CSMD1: variants seen among roughly 807,000 people sequenced by gnomAD.
The protein encoded by CSMD1 is CUB and Sushi multiple domains 1.
A neutral mutation model predicts 417.5 loss-of-function variants in CSMD1; 213 were observed. The observed-to-expected ratio is 0.51, with a 90% CI of 0.46 to 0.57. The LOEUF is 0.57. Among genes scored for constraint, CSMD1 ranks in the 20% least tolerant of loss-of-function variants. The pLI is 0.00. For missense variants in CSMD1, 6,923 were observed against 4,529.7 expected (o/e 1.53, Z -15.17); for synonymous variants, 2,862 against 1,736.8 (o/e 1.65, Z -16.11).
chr8:4,696,978 C>A (rs1319491787), intron 1 of CSMD1, among the ~76,000 whole-genome samples: 2 of 152,052 alleles, frequency 1.3e-5, no homozygotes, highest in Admixed American at 6.5e-5. Flanking sequence ...TCAAGACCAG[C>A]CTGACGAACA....
At chr8:4,920,932 G>A (rs867869880) in intron 1 of CSMD1, among the ~76,000 whole-genome samples, 15 of 27,090 alleles carry the variant, frequency 5.5e-4, no homozygotes, top group African/African-American at 1.5e-3. Context: ...AAAAGAAAGA[G>A]AGAAAGAAAG....
intron 2 of CSMD1, among the ~76,000 whole-genome samples, chr8:4,461,100 C>G (rs913794022): frequency 2.0e-5 from 3 of 150,570 alleles, no homozygotes; most frequent in African/African-American, 5.0e-5. Flanking sequence ...GCAAGATAGG[C>G]TTAGCATCTG....
intron 5 of CSMD1, among the ~76,000 whole-genome samples, chr8:3,965,579 G>C (rs141104254): frequency 4.6e-5 from 7 of 152,052 alleles, no homozygotes; most frequent in Middle Eastern, 3.4e-3. Context: ...CCAGGCCTTA[G>C]TGTTAATGGT....
intron 3 of CSMD1, among the ~76,000 whole-genome samples, chr8:4,382,739 A>G (rs1803184935): frequency 6.6e-6 from 1 of 152,212 alleles, no homozygotes; most frequent in Non-Finnish European, 1.5e-5. Flanking sequence ...TTGCATTGTT[A>G]GGTCCATAAA....
intron 7 of CSMD1, among the ~76,000 whole-genome samples, chr8:3,663,184 C>T (rs975114634): frequency 2.6e-5 from 4 of 152,074 alleles, no homozygotes; most frequent in Admixed American, 2.0e-4. Context: ...TTTTCATTTC[C>T]AGCACAGAGA....
chr8:4,519,706 G>A (rs1344711444), intron 2 of CSMD1, among the ~76,000 whole-genome samples: 1 of 119,538 alleles, frequency 8.4e-6, no homozygotes, highest in East Asian at 2.9e-4. Context: ...TTGTACTACT[G>A]CACTCCAGCC....
intron 2 of CSMD1, among the ~76,000 whole-genome samples, chr8:4,588,645 C>T (rs571756000): frequency 1.7e-4 from 26 of 151,966 alleles, no homozygotes; most frequent in Middle Eastern, 6.8e-3. Context: ...ATTAGCCGGG[C>T]GTGGTGGCGG....
intron 3 of CSMD1, among the ~76,000 whole-genome samples, chr8:4,109,453 C>T (rs1801738658): frequency 6.6e-6 from 1 of 152,152 alleles, no homozygotes; most frequent in African/African-American, 2.4e-5. Context: ...TTGAGTACCA[C>T]ACCACTAAAT....
chr8:3,749,670 T>C (rs762422299), intron 6 of CSMD1, among the ~76,000 whole-genome samples: 1 of 152,210 alleles, frequency 6.6e-6, no homozygotes, highest in Non-Finnish European at 1.5e-5. Flanking sequence ...ACAAAGAAGT[T>C]TCTCATAGAA....
chr8:4,436,606 A>T (rs531351487), intron 2 of CSMD1, among the ~76,000 whole-genome samples: 1 of 152,286 alleles, frequency 6.6e-6, no homozygotes, highest in South Asian at 2.1e-4. Flanking sequence ...CTGTGCAAGC[A>T]AATAGGTCTT....
At chr8:3,473,971 T>A (rs1319234208) in intron 11 of CSMD1, among the ~76,000 whole-genome samples, 1 of 151,966 alleles carries the variant, frequency 6.6e-6, no homozygotes, top group Non-Finnish European at 1.5e-5. Context: ...CATAAAACCA[T>A]CAGATCTAGT....
chr8:4,854,615 C>A (rs1214152686), intron 1 of CSMD1, among the ~76,000 whole-genome samples: 1 of 152,144 alleles, frequency 6.6e-6, no homozygotes, highest in African/African-American at 2.4e-5. Flanking sequence ...CGGAAGGGGT[C>A]AGGGAGTTCC....
At chr8:4,590,708 A>T (rs1799943357) in intron 2 of CSMD1, among the ~76,000 whole-genome samples, 1 of 152,210 alleles carries the variant, frequency 6.6e-6, no homozygotes, top group Non-Finnish European at 1.5e-5. Context: ...CTGAATAGAT[A>T]GATTTTTTGT....
intron 3 of CSMD1, among the ~76,000 whole-genome samples, chr8:4,250,431 G>T (rs1029242579): frequency 6.6e-6 from 1 of 152,042 alleles, no homozygotes; most frequent in Non-Finnish European, 1.5e-5. Flanking sequence ...ACTGCTCCCT[G>T]GGGAACATGC....
intron 5 of CSMD1, among the ~76,000 whole-genome samples, chr8:3,988,286 C>T (rs1814487318): frequency 6.6e-6 from 1 of 152,162 alleles, no homozygotes; most frequent in South Asian, 2.1e-4. Context: ...CCATTATAAA[C>T]ATCACACAGG....
At chr8:4,713,633 T>C (rs996914880) in intron 1 of CSMD1, among the ~76,000 whole-genome samples, 1 of 151,990 alleles carries the variant, frequency 6.6e-6, no homozygotes, top group African/African-American at 2.4e-5. Flanking sequence ...CACATAACAA[T>C]ATAAAAAAGT....
chr8:3,991,419 G>A (rs979432732), intron 5 of CSMD1, among the ~76,000 whole-genome samples: 2 of 152,208 alleles, frequency 1.3e-5, no homozygotes, highest in Non-Finnish European at 1.5e-5. Context: ...ATCTTTATGC[G>A]ACAGCTTCAT....
Position 4,187,820 on chromosome 8 carries a change from G to A in CSMD1, c.416-155721C>T, listed in dbSNP as rs75761571. Among the ~76,000 whole-genome samples, 331 of 151,884 alleles carry A rather than the reference G, an allele frequency of 2.2e-3. 3 individuals carry two copies. Among genetic ancestry groups the A allele is most frequent in the Non-Finnish European group, 1.4e-3 (95 of 67,982 alleles). On this transcript the variant is annotated intron_variant, in intron 3 of 69. Transcript: ENST00000635120. ...ATTATTATTATTTTCCAAAATCACA[G>A]TTTCAGATGACTTGCTGAGACTATT...
chr8:3,603,420 A>G (rs930575812), intron 8 of CSMD1, among the ~76,000 whole-genome samples: 5 of 152,172 alleles, frequency 3.3e-5, no homozygotes, highest in African/African-American at 1.2e-4. Flanking sequence ...TTGCGAGCTA[A>G]AGCCTCCTTT....
Sources: allele counts gnomAD v4.1 joint callset (sites outside exome capture counted in the v4.1 genomes callset), GRCh38; gene constraint gnomAD v4.1.1; transcripts MANE v1.5; gene names NCBI Gene and HGNC (gene_info 2026-07-23, HGNC 2026-07-21).